The following FGF12 variants were observed in gnomAD, a reference collection of about 807,000 sequenced individuals.
FGF12 encodes the protein fibroblast growth factor 12.
A neutral mutation model predicts 23.6 loss-of-function variants in FGF12; 14 were observed. The ratio of observed to expected loss-of-function variants is 0.59; its 90% confidence interval spans 0.39 to 0.93. The LOEUF (loss-of-function observed/expected upper bound fraction) is 0.93. Ranked by LOEUF, FGF12 falls within the 40% of genes least tolerant of loss-of-function variation. The pLI, the probability that FGF12 is intolerant of heterozygous loss-of-function variation, is 0.00. For synonymous variants in FGF12, 62 were observed against 77.3 expected (o/e 0.80, Z 1.04); for missense variants, 175 against 217.8 (o/e 0.80, Z 1.24).
At chr3:192,310,575 T>G (rs1015615950) in intron 4 of FGF12, among the ~76,000 whole-genome samples, 2 of 152,196 alleles carry the variant, frequency 1.3e-5, no homozygotes, top group Admixed American at 1.3e-4. Context: ...TTTCATTAAA[T>G]AGCTCAAAGG....
intron 4 of FGF12, among the ~76,000 whole-genome samples, chr3:192,227,754 T>A (rs1309417082): frequency 2.0e-5 from 3 of 152,148 alleles, no homozygotes; most frequent in African/African-American, 7.2e-5. Context: ...CGCAGGTCAA[T>A]TACTTCTTAT....
At chr3:192,298,410 G>A (rs1231322695) in intron 4 of FGF12, among the ~76,000 whole-genome samples, 1 of 152,182 alleles carries the variant, frequency 6.6e-6, no homozygotes, top group East Asian at 1.9e-4. Context: ...AGTCCATTTT[G>A]TGTTGCTATA....
At position 192,514,630 on chromosome 3, in the gene FGF12, G is replaced by T; in HGVS notation, c.14-154092C>A. On this transcript the variant is annotated intron_variant, in intron 2 of 5. Coordinates refer to ENST00000445105, the MANE Select transcript of FGF12 (RefSeq NM_004113.6). This position sits in a 1 kb window ranked among gnomAD's most constrained non-coding sequence, Gnocchi z 4.9. ...CCGGAAGAAGGGAAGGGGGCATTCT[G>T]CAGTGTTTGGGGGCTGGGGAAAGAA... is the stretch of plus-strand genomic sequence containing the variant. 3.3e-6 allele frequency: 3 copies of T among 911,320 alleles called. No homozygotes were observed. Among genetic ancestry groups the T allele is most frequent in the Non-Finnish European group, 3.9e-6 (3 of 762,298 alleles). The allele number at this position is 911,320 out of a possible 1,614,324, so 56.5% of individuals were successfully genotyped here.
intron 5 of FGF12, among the ~76,000 whole-genome samples, chr3:192,155,314 C>G (rs903232215): frequency 5.9e-5 from 9 of 152,316 alleles, no homozygotes; most frequent in African/African-American, 1.9e-4. Context: ...GGAGCTGTTC[C>G]TATTCGGCCG....
At chr3:192,553,125 A>G (rs2108587431) in intron 2 of FGF12, among the ~76,000 whole-genome samples, 1 of 152,294 alleles carries the variant, frequency 6.6e-6, no homozygotes, top group East Asian at 1.9e-4. Context: ...ATGGTTCTTC[A>G]AACTGAAGTA....
chr3:192,372,388 C>T (rs1719272396), intron 2 of FGF12, among the ~76,000 whole-genome samples: 3 of 116,220 alleles, frequency 2.6e-5, no homozygotes, highest in Admixed American at 1.7e-4. Flanking sequence ...TCTTTTCATA[C>T]CATCACACAC....
rs551666557 is a variant in FGF12, at chr3:192,522,472, T to C, written c.14-161934A>G. 4.6e-5 allele frequency among the ~76,000 whole-genome samples: 7 copies of C among 152,312 alleles called. No homozygotes were observed. In the East Asian group the frequency reaches 1.4e-3, roughly 29 times the overall value. ...TGATAACTTGGTGTACTAGAGAGAA[T>C]ATAAAGGAAATGGGAACCCTCATAC... On this transcript the variant is annotated intron_variant, in intron 2 of 5. Coordinates refer to ENST00000445105, the MANE Select transcript of FGF12 (RefSeq NM_004113.6).
chr3:192,415,767 C>CAA, intron 2 of FGF12, among the ~76,000 whole-genome samples: 1 of 151,734 alleles, frequency 6.6e-6, no homozygotes, highest in East Asian at 1.9e-4. Flanking sequence ...CACACACACA[C>CAA]ACACACACAC....
intron 2 of FGF12, among the ~76,000 whole-genome samples, chr3:192,510,464 A>G (rs1724435526): frequency 6.6e-6 from 1 of 152,178 alleles, no homozygotes; most frequent in South Asian, 2.1e-4. Context: ...AAAATCCAAA[A>G]CATTGACAAC....
At chr3:192,467,173 G>T (rs1723035317) in intron 2 of FGF12, among the ~76,000 whole-genome samples, 2 of 152,196 alleles carry the variant, frequency 1.3e-5, no homozygotes, top group East Asian at 1.9e-4. Flanking sequence ...TGTAGTATTC[G>T]AATCTTTTTC....
intron 2 of FGF12, among the ~76,000 whole-genome samples, chr3:192,567,796 T>TCTTTCTTTC (rs1553831709): frequency 2.7e-5 from 4 of 146,766 alleles, no homozygotes; most frequent in Admixed American, 2.0e-4. Flanking sequence ...TTTCTTTCTT[T>TCTTTCTTTC]CTTTCTCTTT....
At chr3:192,632,630 C>G (rs972818814) in intron 2 of FGF12, among the ~76,000 whole-genome samples, 2 of 152,160 alleles carry the variant, frequency 1.3e-5, no homozygotes, top group South Asian at 4.1e-4. Context: ...TTGTAGAGCA[C>G]TTTAAATGTG....
intron 2 of FGF12, among the ~76,000 whole-genome samples, chr3:192,472,521 C>CT (rs1271686894): frequency 6.6e-6 from 1 of 152,084 alleles, no homozygotes; most frequent in Non-Finnish European, 1.5e-5. Flanking sequence ...TGATTTCTGT[C>CT]TTCTGCTAGA....
chr3:192,270,908 T>A lies in FGF12; in HGVS notation c.228+64453A>T, dbSNP rs541622252. Among the ~76,000 whole-genome samples the A allele has an allele frequency of 2.0e-5, 3 of 152,212 alleles. No individual in the cohort carries two copies. The East Asian group carries it at 5.8e-4, about 29-fold the overall frequency. On this transcript the variant is annotated intron_variant, in intron 4 of 5. Coordinates refer to ENST00000445105, the MANE Select transcript of FGF12 (RefSeq NM_004113.6). ...TAATGGGTGTTGGTGGATGTTAGAA[T>A]TCCACCAAAAACACCTCAAATTCCA...
At chr3:192,356,397 T>C (rs180720806) in intron 3 of FGF12, among the ~76,000 whole-genome samples, 2 of 152,352 alleles carry the variant, frequency 1.3e-5, no homozygotes, top group East Asian at 1.9e-4. Context: ...CCTAGCGTTT[T>C]TGACCTCTTC....
intron 2 of FGF12, among the ~76,000 whole-genome samples, chr3:192,641,864 A>T (rs999722950): frequency 1.3e-5 from 2 of 152,254 alleles, no homozygotes; most frequent in African/African-American, 4.8e-5. Context: ...TGCTACAATG[A>T]CAGTGAGTAG....
chr3:192,647,255 A>G (rs1326320204), intron 2 of FGF12, among the ~76,000 whole-genome samples: 3 of 152,132 alleles, frequency 2.0e-5, no homozygotes, highest in African/African-American at 7.2e-5. Context: ...TTGATCAAAA[A>G]TGAGGCAGAG....
intron 4 of FGF12, among the ~76,000 whole-genome samples, chr3:192,308,015 G>A (rs11921609): frequency 0.021 from 3,203 of 152,140 alleles, 105 homozygotes; most frequent in African/African-American, 0.072. Flanking sequence ...ACCAAGAAAC[G>A]CACGTTAGAA....
At chr3:192,171,319 T>G (rs1715547483) in intron 4 of FGF12, among the ~76,000 whole-genome samples, 2 of 152,026 alleles carry the variant, frequency 1.3e-5, no homozygotes, top group African/African-American at 4.8e-5. Flanking sequence ...AGAATGAGAG[T>G]TCTAGTCTCA....
Sources: allele counts gnomAD v4.1 joint callset (sites outside exome capture counted in the v4.1 genomes callset), GRCh38; gene constraint gnomAD v4.1.1; non-coding constraint Gnocchi (gnomAD v3.1); transcripts MANE v1.5; gene names NCBI Gene and HGNC (gene_info 2026-07-23, HGNC 2026-07-21).